LAMA2: variants seen among roughly 807,000 people sequenced by gnomAD.
LAMA2 encodes laminin subunit alpha-2.
Under a neutral mutation model 364.8 loss-of-function variants are expected in LAMA2, and 269 were observed. The ratio of observed to expected loss-of-function variants is 0.74; its 90% CI spans 0.67 to 0.82. The LOEUF is 0.82. Ranked by LOEUF, LAMA2 falls within the 40% of genes least tolerant of loss-of-function variation. The pLI, the probability that LAMA2 is intolerant of heterozygous loss-of-function variation, is 0.00. For synonymous variants in LAMA2, 1,379 were observed against 1,370.6 expected, an observed-to-expected ratio of 1.01 and a Z score of -0.14; for missense variants, 3,807 against 3,873.2, an observed-to-expected ratio of 0.98 and a Z score of 0.45.
At chr6:128,982,680 A>G (rs1782962011) in intron 1 of LAMA2, among the ~76,000 whole-genome samples, 2 of 151,468 alleles carry the variant, frequency 1.3e-5, no homozygotes, top group Admixed American at 1.3e-4. Flanking sequence ...ATATGTATAC[A>G]TGTGCCTGCT....
At chr6:129,159,452 C>T (rs948788913) in intron 8 of LAMA2, among the ~76,000 whole-genome samples, 5 of 152,346 alleles carry the variant, frequency 3.3e-5, no homozygotes, top group African/African-American at 1.2e-4. Flanking sequence ...GTGATGGAGG[C>T]GCCCCGGCCG....
chr6:129,260,601 C>G, intron 14 of LAMA2, 110 bp from the exon 15 acceptor site: 1 of 775,678 alleles, frequency 1.3e-6, no homozygotes, highest in Non-Finnish European at 2.3e-6. Context: ...CTTCCTTTCT[C>G]AGCATGCATA....
chr6:129,464,133 G>A (rs1583812928), intron 49 of LAMA2, among the ~76,000 whole-genome samples, 157 bp from the exon 50 acceptor site: 2 of 152,060 alleles, frequency 1.3e-5, no homozygotes, highest in African/African-American at 2.4e-5. Context: ...CTAGCACGGT[G>A]GCAGTAGAGA....
At chr6:128,956,541 C>T (rs1400895393) in intron 1 of LAMA2, among the ~76,000 whole-genome samples, 1 of 151,872 alleles carries the variant, frequency 6.6e-6, no homozygotes, top group East Asian at 1.9e-4. Context: ...AAATGATAGT[C>T]TTGTTAGTGA....
intron 2 of LAMA2, among the ~76,000 whole-genome samples, chr6:129,051,951 TAGAG>T (rs1788076907): frequency 6.6e-6 from 1 of 150,424 alleles, no homozygotes; most frequent in South Asian, 2.1e-4. Context: ...CGGGGAGAAT[TAGAG>T]AGATAAAATA....
intron 40 of LAMA2, among the ~76,000 whole-genome samples, chr6:129,425,770 G>T (rs1229969309): frequency 1.3e-5 from 2 of 151,894 alleles, no homozygotes; most frequent in Non-Finnish European, 2.9e-5. Flanking sequence ...GATTGCATTC[G>T]TTTTATGACT....
rs376345863 is a variant in LAMA2 at position 129,190,487 on chromosome 6, G to A, written c.1608+142G>A. On this transcript the variant is annotated intron_variant, in intron 11 of 64. Transcript: ENST00000421865. Reference sequence around the variant, plus strand: ...AGAAGTAATGGAATTTTCTTCAAATGCTGTTGTGTATTTTTGCTCAAAGCC... The same window carrying A: ...AGAAGTAATGGAATTTTCTTCAAATACTGTTGTGTATTTTTGCTCAAAGCC... The A allele has an allele frequency of 2.7e-4, 230 of 852,044 alleles. 1 individual carries two copies. In the East Asian group the frequency reaches 5.7e-3, roughly 21 times the overall value. 52.8% of individuals were successfully genotyped at this position (852,044 alleles called of 1,614,324 possible).
intron 17 of LAMA2, among the ~76,000 whole-genome samples, chr6:129,277,298 T>C (rs940708728): frequency 6.6e-6 from 1 of 152,196 alleles, no homozygotes; most frequent in Admixed American, 6.5e-5. Flanking sequence ...CCAAAATTAG[T>C]GCTAAGTGAC....
intron 18 of LAMA2, among the ~76,000 whole-genome samples, chr6:129,281,499 A>T (rs906425952): frequency 5.9e-5 from 9 of 152,178 alleles, no homozygotes; most frequent in African/African-American, 2.2e-4. Flanking sequence ...TCTATAATTT[A>T]AAACCCTACA....
intron 9 of LAMA2, among the ~76,000 whole-genome samples, chr6:129,172,172 G>T (rs1177729238): frequency 6.6e-6 from 1 of 151,870 alleles, no homozygotes; most frequent in Admixed American, 6.6e-5. Flanking sequence ...TCTTCTCTCA[G>T]CTCGTCAAAG....
rs373510833 is a variant in LAMA2 at position 128,916,686 on chromosome 6, AG to A, written c.112+33331del. 2.3e-4 allele frequency among the ~76,000 whole-genome samples: 35 copies of A among 152,296 alleles called. No individual in the cohort carries two copies. The East Asian group carries it at 6.4e-3, about 28-fold the overall frequency. On this transcript the variant is annotated intron_variant, in intron 1 of 64. Coordinates refer to ENST00000421865, the MANE Select transcript of LAMA2 (RefSeq NM_000426.4). ...TTCTCAGTGTTGATGTGGAGAAGCC[AG>A]GAGACATCCTACAACTCTGAGAAGC... is the stretch of plus-strand genomic sequence containing the variant.
At chr6:129,061,784 C>T (rs1181633166) in intron 3 of LAMA2, among the ~76,000 whole-genome samples, 1 of 152,186 alleles carries the variant, frequency 6.6e-6, no homozygotes, top group Non-Finnish European at 1.5e-5. Context: ...CCCAGGTCTA[C>T]CTGACTCCAA....
chr6:129,349,224 A>T (rs977769502), intron 30 of LAMA2, 74 bp from the exon 31 acceptor site: 2 of 1,166,620 alleles, frequency 1.7e-6, no homozygotes, highest in African/African-American at 3.0e-5. Context: ...AATAACCTTG[A>T]TCATGGATAG....
chr6:129,214,251 G>A (rs540036653), intron 12 of LAMA2, among the ~76,000 whole-genome samples: 1 of 152,294 alleles, frequency 6.6e-6, no homozygotes, highest in South Asian at 2.1e-4. Context: ...TGGTGGAGAA[G>A]TGGAAGAAAA....
rs952214090 is a variant in LAMA2, at chr6:129,502,785, T to G, written c.8357+14T>G. On this transcript the variant is annotated intron_variant, in intron 59 of 64. Coordinates refer to ENST00000421865, the MANE Select transcript of LAMA2 (RefSeq NM_000426.4). Reference sequence around the variant, plus strand: ...AGTTAAAAACCGGTATGTATCATCCTGAGACACTGGGAAAGAACCGATAAA... The same window carrying G: ...AGTTAAAAACCGGTATGTATCATCCGGAGACACTGGGAAAGAACCGATAAA... The G allele has an allele frequency of 4.0e-6, 6 of 1,504,430 alleles. No individual in the cohort carries two copies. The highest frequency in any genetic ancestry group is 3.3e-5 in the Admixed American group (2 of 59,836). The allele number at this position is 1,504,430 out of a possible 1,614,324, so 93.2% of individuals were successfully genotyped here.
Position 129,208,519 on chromosome 6 carries a change from G to T in LAMA2, c.1782+15666G>T, listed in dbSNP as rs547459409. ...AGAGAGATAGAGAGAGGCAGAAAGA[G>T]AAAAAGAAAGAAAGAGAGAAAGAAA... On this transcript the variant is annotated intron_variant, in intron 12 of 64. Transcript: ENST00000421865. Among the ~76,000 whole-genome samples the T allele has an allele frequency of 2.2e-5, 3 of 137,722 alleles. No individual in the cohort carries two copies. The East Asian group carries it at 6.2e-4, about 29-fold the overall frequency. The allele number at this position is 137,722 out of a possible 152,430, so 90.4% of individuals were successfully genotyped here.
intron 62 of LAMA2, among the ~76,000 whole-genome samples, chr6:129,511,153 A>G (rs1012629856): frequency 5.3e-5 from 8 of 152,184 alleles, no homozygotes; most frequent in African/African-American, 9.6e-5. Context: ...TACAATTTAC[A>G]TAAGACTTGG....
intron 1 of LAMA2, among the ~76,000 whole-genome samples, chr6:128,939,604 C>CCTG (rs1562851792): frequency 9.2e-5 from 14 of 152,036 alleles, no homozygotes; most frequent in African/African-American, 2.9e-4. Context: ...TTCCACCCAA[C>CCTG]GATGAAAGAC....
chr6:129,081,411 A>T (rs1427770257), intron 3 of LAMA2, among the ~76,000 whole-genome samples: 2 of 152,172 alleles, frequency 1.3e-5, no homozygotes, highest in African/African-American at 4.8e-5. Context: ...AAGAAACTTA[A>T]AAAAAATGAA....
Sources: gnomAD v4.1 joint callset for allele counts (sites outside exome capture counted in the v4.1 genomes callset) on GRCh38, gnomAD v4.1.1 for gene constraint, MANE v1.5 for transcripts, NCBI Gene and HGNC (gene_info 2026-07-23, HGNC 2026-07-21) for gene names.